Variants in USH2A observed in about 807,000 individuals in gnomAD.
The protein encoded by USH2A is Usher syndrome 2A (autosomal recessive, mild).
A neutral mutation model predicts 538.9 loss-of-function variants in USH2A; 443 were observed. The observed-to-expected ratio is 0.82, with a 90% CI of 0.76 to 0.89. USH2A has a LOEUF of 0.89. Among genes scored for constraint, USH2A ranks in the 40% least tolerant of loss-of-function variants. The pLI, the probability that USH2A is intolerant of heterozygous loss-of-function variation, is 0.00. For synonymous variants in USH2A, 2,413 were observed against 2,273.5 expected (o/e 1.06, Z -1.75); for missense variants, 6,633 against 6,324.8 (o/e 1.05, Z -1.65).
intron 14 of USH2A, among the ~76,000 whole-genome samples, chr1:216,222,763 G>A (rs548629333): frequency 1.1e-3 from 166 of 152,312 alleles, no homozygotes; most frequent in African/African-American, 3.7e-3. Flanking sequence ...CAGATCACCT[G>A]AGGTTGGGAG....
chr1:216,006,801 A>C (rs1244908041), intron 32 of USH2A, among the ~76,000 whole-genome samples: 1 of 152,190 alleles, frequency 6.6e-6, no homozygotes, highest in Middle Eastern at 3.2e-3. Flanking sequence ...TTCAATGGGT[A>C]CTGAGATCAA....
At chr1:216,285,549 C>G (rs891385489) in intron 11 of USH2A, among the ~76,000 whole-genome samples, 1 of 152,130 alleles carries the variant, frequency 6.6e-6, no homozygotes, top group Non-Finnish European at 1.5e-5. Flanking sequence ...TGGGGTCAGA[C>G]CCCCCACACA....
rs773378897 is a variant in USH2A at position 215,628,843 on chromosome 1, C to T, written c.15490G>A (p.Glu5164Lys). 2.0e-5 allele frequency: 32 copies of T among 1,614,048 alleles called. 1 individual carries two copies. In the South Asian group the frequency reaches 3.3e-4, roughly 17 times the overall value. Residue 5164 changes from glutamate (E) to lysine (K), a missense_variant, in exon 71 of 72, where the codon GAA (glutamate) becomes AAA (lysine). Coordinates refer to ENST00000307340, the MANE Select transcript of USH2A (RefSeq NM_206933.4). Reference protein sequence around the residue: ...KKVLMDNSLWEAIMGHNSGLY... With the variant: ...KKVLMDNSLWKAIMGHNSGLY... ...CCACTGTTGTGGCCCATGATGGCTT[C>T]CCACAGTGAGTTGTCCATCAAGACT...
chr1:215,835,164 CAAAAAAAAA>C (rs34758891), intron 47 of USH2A, among the ~76,000 whole-genome samples: 1 of 56,120 alleles, frequency 1.8e-5, no homozygotes, highest in African/African-American at 7.4e-5. Flanking sequence ...AGTGATGCAC[CAAAAAAAAA>C]AAAAAAAAAA....
intron 47 of USH2A, 22 bp from the exon 48 acceptor site, chr1:215,817,217 A>T: frequency 1.2e-6 from 2 of 1,609,788 alleles, no homozygotes; most frequent in Non-Finnish European, 8.5e-7. Flanking sequence ...AGAATAATCA[A>T]TACTTCTGAA....
rs1182967812 is a variant in USH2A, at chr1:216,086,802, T to C, written c.4904A>G (p.Asn1635Ser). The C allele has an allele frequency of 6.2e-7, 1 of 1,612,812 alleles. No individual in the cohort carries two copies. The highest frequency in any genetic ancestry group is 1.1e-5 in the South Asian group (1 of 91,058). ...GIYTGSSAIL[N>S]GSTVIGDNTG... ...GTTATCTCCAATAACAGTACTACCA[T>C]TCAGGATGGCAGAGGAACCTAGAGA... The change falls in exon 24 of 72, where the codon AAT becomes AGT. Residue 1635 changes from asparagine to serine, a missense_variant. Physicochemically the swap from Asn to Ser is conservative, Grantham distance 46 (BLOSUM62 1). Transcript: ENST00000307340.
chr1:215,747,933 G>A (rs1046885656), intron 58 of USH2A, among the ~76,000 whole-genome samples: 10 of 149,506 alleles, frequency 6.7e-5, no homozygotes, highest in African/African-American at 2.0e-4. Flanking sequence ...CGCCCAGGCC[G>A]GACTGCGGAC....
chr1:216,376,249 T>C (rs1213165622), intron 3 of USH2A, among the ~76,000 whole-genome samples: 1 of 152,164 alleles, frequency 6.6e-6, no homozygotes, highest in East Asian at 1.9e-4. Context: ...AAACACATTG[T>C]CTGTGAAGCA....
At chr1:216,278,768 C>G (rs2036717928) in intron 11 of USH2A, among the ~76,000 whole-genome samples, 1 of 152,154 alleles carries the variant, frequency 6.6e-6, no homozygotes, top group African/African-American at 2.4e-5. Context: ...GAATATACTT[C>G]AGGGAAGTTC....
intron 22 of USH2A, among the ~76,000 whole-genome samples, chr1:216,096,210 C>G (rs1394221447): frequency 6.6e-6 from 1 of 152,134 alleles, no homozygotes; most frequent in East Asian, 1.9e-4. Context: ...TTCAATCTAC[C>G]ACCTTTCCCT....
Position 215,648,690 on chromosome 1 carries a change from G to A in USH2A, c.14420C>T (p.Ala4807Val). 4.3e-6 allele frequency: 7 copies of A among 1,614,208 alleles called. No individual in the cohort carries two copies. Among genetic ancestry groups the A allele is most frequent in the Non-Finnish European group, 5.1e-6 (6 of 1,180,040 alleles). ...GCTGCAACAGTTGAAGCAGGTGCAGGCCTCTACTCCAATAGAGTAGTTAGT... is the reference window on the plus strand; with the variant it reads ...GCTGCAACAGTTGAAGCAGGTGCAGACCTCTACTCCAATAGAGTAGTTAGT... ...AFTNYSIGVE[A>V]CTCFNCCSKG... Residue 4807 changes from alanine to valine, a missense_variant, in exon 66 of 72, where the codon GCC becomes GTC. Physicochemically the swap from Ala to Val is moderately conservative, Grantham distance 64. Transcript: ENST00000307340.
intron 36 of USH2A, among the ~76,000 whole-genome samples, chr1:215,969,731 G>A (rs1044617503): frequency 3.3e-5 from 5 of 151,944 alleles, no homozygotes; most frequent in Non-Finnish European, 7.4e-5. Context: ...CAAAAAGAGA[G>A]GTGTGATCAA....
chr1:215,883,716 T>C (rs5022147), intron 41 of USH2A, among the ~76,000 whole-genome samples: 1 of 151,828 alleles, frequency 6.6e-6, no homozygotes, highest in East Asian at 1.9e-4. Context: ...ATACTCGTTA[T>C]CTATACCTAA....
At position 216,104,643 on chromosome 1, in the gene USH2A, T is replaced by C. The variant is rs892050456; in HGVS notation, c.4628-7430A>G. ...ATGTAGAAAGCTGAAACTGGATCCCTTCCTTACACCTTATACAAAAATTAA... is the reference window on the plus strand; with the variant it reads ...ATGTAGAAAGCTGAAACTGGATCCCCTCCTTACACCTTATACAAAAATTAA... On this transcript the variant is annotated intron_variant, in intron 21 of 71. Transcript: ENST00000307340. 8.5e-5 allele frequency among the ~76,000 whole-genome samples: 13 copies of C among 152,292 alleles called. 1 individual carries two copies. The highest frequency in any genetic ancestry group is 1.8e-4 in the Non-Finnish European group (12 of 68,018).
intron 44 of USH2A, among the ~76,000 whole-genome samples, chr1:215,851,263 G>C (rs1313329248): frequency 6.6e-6 from 1 of 152,068 alleles, no homozygotes; most frequent in Non-Finnish European, 1.5e-5. Flanking sequence ...ATAAAGACCT[G>C]TTCTTGGAAA....
At chr1:216,054,409 C>G (rs997969870) in intron 30 of USH2A, among the ~76,000 whole-genome samples, 12 of 144,240 alleles carry the variant, frequency 8.3e-5, no homozygotes, top group Admixed American at 7.3e-4. Flanking sequence ...GAGCTGACAC[C>G]AGCTCTGCAA....
At chr1:215,909,150 A>G (rs1665711654) in intron 38 of USH2A, among the ~76,000 whole-genome samples, 1 of 151,876 alleles carries the variant, frequency 6.6e-6, no homozygotes, top group South Asian at 2.1e-4. Context: ...TATGCCTAGC[A>G]CTATTCCATA....
chr1:215,768,830 A>C (rs1320302599), intron 55 of USH2A, among the ~76,000 whole-genome samples: 1 of 152,156 alleles, frequency 6.6e-6, no homozygotes, highest in Non-Finnish European at 1.5e-5. Flanking sequence ...TTCCCCATTT[A>C]GAATATAAGC....
At chr1:215,970,847 A>G in intron 35 of USH2A, 71 bp from the exon 36 acceptor site, 1 of 1,444,584 alleles carries the variant, frequency 6.9e-7, no homozygotes, top group Non-Finnish European at 9.7e-7. Context: ...GAAAGCAAGC[A>G]CTCTTGATGT....
Sources: allele counts gnomAD v4.1 joint callset (sites outside exome capture counted in the v4.1 genomes callset), GRCh38; gene constraint gnomAD v4.1.1; transcripts MANE v1.5; gene names NCBI Gene and HGNC (gene_info 2026-07-23, HGNC 2026-07-21).